The following PITPNC1 variants were observed in gnomAD, a reference collection of about 807,000 sequenced individuals.
The protein encoded by PITPNC1 is phosphatidylinositol transfer protein cytoplasmic 1, also known as cytoplasmic phosphatidylinositol transfer protein 1.
Under a neutral mutation model 44.7 loss-of-function variants are expected in PITPNC1, and 18 were observed. That is an observed-to-expected ratio of 0.40 (90% CI 0.28 to 0.60). The LOEUF (loss-of-function observed/expected upper bound fraction) is 0.60, where lower values mean the gene tolerates loss of function less well. Ranked by LOEUF, PITPNC1 falls within the 20% of genes least tolerant of loss-of-function variation. The pLI, the probability that PITPNC1 is intolerant of heterozygous loss-of-function variation, is 0.39. For missense variants in PITPNC1, 290 were observed against 418.4 expected (o/e 0.69, Z 2.68); for synonymous variants, 141 against 149.6 (o/e 0.94, Z 0.42).
intron 1 of PITPNC1, among the ~76,000 whole-genome samples, chr17:67,395,513 G>C (rs951533779): frequency 2.0e-5 from 3 of 152,178 alleles, no homozygotes; most frequent in African/African-American, 7.2e-5. Context: ...TGAGGAGCAT[G>C]TCTTCTGAAA....
Position 67,645,734 on chromosome 17 carries a change from C to T in PITPNC1, c.462+13496C>T, listed in dbSNP as rs1029348971. ...CAAAGTCTTCCTTGACAGCTACTAG[C>T]GTTAATTATAACATAAGTTTGTGCA... On this transcript the variant is annotated intron_variant, in intron 6 of 8. Transcript: ENST00000581322. 2.6e-5 allele frequency among the ~76,000 whole-genome samples: 4 copies of T among 152,300 alleles called. No individual in the cohort carries two copies. The South Asian group carries it at 6.2e-4, about 24-fold the overall frequency.
In PITPNC1 at chr17:67,597,974, A is replaced by C. The variant is rs1044954536; in HGVS notation, c.366+19717A>C. On this transcript the variant is annotated intron_variant, in intron 5 of 8. Coordinates refer to ENST00000581322, the MANE Select transcript of PITPNC1 (RefSeq NM_012417.4). This position sits in a 1 kb window ranked among gnomAD's most constrained non-coding sequence, Gnocchi z 4.0. Reference sequence around the variant, plus strand: ...TGCGGTGGCTCATGCCTGTAATCCCAGCACTTTGGGAGGCCGAGGCAGGCG... The same window carrying C: ...TGCGGTGGCTCATGCCTGTAATCCCCGCACTTTGGGAGGCCGAGGCAGGCG... Among the ~76,000 whole-genome samples the C allele has an allele frequency of 6.6e-5, 10 of 152,210 alleles. No individual in the cohort carries two copies. The highest frequency in any genetic ancestry group is 2.2e-4 in the African/African-American group (9 of 41,442).
intron 1 of PITPNC1, among the ~76,000 whole-genome samples, chr17:67,501,035 A>G (rs1052553536): frequency 2.6e-5 from 4 of 152,080 alleles, no homozygotes; most frequent in African/African-American, 9.7e-5. Context: ...TCCATTTTCT[A>G]ATCTTAATAT....
rs1013747672 is a variant in PITPNC1 at position 67,604,016 on chromosome 17, G to A, written c.366+25759G>A. ...TTGAAAGTTTAAATTTTCACAGTGA[G>A]GAAAGGGAAATAAGTCACTCCCATC... On this transcript the variant is annotated intron_variant, in intron 5 of 8. Transcript: ENST00000581322. 1.1e-4 allele frequency among the ~76,000 whole-genome samples: 17 copies of A among 151,950 alleles called. No individual in the cohort carries two copies. The East Asian group carries it at 3.3e-3, about 29-fold the overall frequency.
chr17:67,594,721 G>C (rs1468700017), intron 5 of PITPNC1, among the ~76,000 whole-genome samples: 7 of 152,162 alleles, frequency 4.6e-5, no homozygotes, highest in Admixed American at 2.0e-4. Flanking sequence ...TGGCAGAATG[G>C]AGACAGGATG....
rs34025821 is a variant in PITPNC1, at chr17:67,583,587, CAAA to C, written c.366+5345_366+5347del. On this transcript the variant is annotated intron_variant, in intron 5 of 8. Coordinates refer to ENST00000581322, the MANE Select transcript of PITPNC1 (RefSeq NM_012417.4). The stretch of plus-strand genomic sequence containing the variant: ...TGGGCAACAGAGCGAGACTCCTTCT[CAAA>C]AAAAAAAAAAAAAATCACCTGGGAA... 8.4e-5 allele frequency among the ~76,000 whole-genome samples: 10 copies of C among 119,300 alleles called. 1 individual carries two copies. The East Asian group carries it at 9.7e-4, about 12-fold the overall frequency. The allele number at this position is 119,300 out of a possible 152,430, so 78.3% of individuals were successfully genotyped here.
intron 1 of PITPNC1, among the ~76,000 whole-genome samples, chr17:67,477,240 T>G: frequency 8.2e-6 from 1 of 122,172 alleles, no homozygotes; most frequent in African/African-American, 3.3e-5. Flanking sequence ...CACACCCAGC[T>G]CTTTTTTTTT....
At chr17:67,690,638 G>A (rs2042908794) in intron 8 of PITPNC1, among the ~76,000 whole-genome samples, 1 of 151,920 alleles carries the variant, frequency 6.6e-6, no homozygotes, top group Admixed American at 6.6e-5. Context: ...GGGTCTCTGG[G>A]GGGCCAAAAC....
chr17:67,609,082 G>A (rs925743492), intron 5 of PITPNC1, among the ~76,000 whole-genome samples: 8 of 150,872 alleles, frequency 5.3e-5, no homozygotes, highest in African/African-American at 9.7e-5. Context: ...GGCTGGTCTC[G>A]AACTCTTGGG....
At chr17:67,452,832 A>G in intron 1 of PITPNC1, among the ~76,000 whole-genome samples, 1 of 152,196 alleles carries the variant, frequency 6.6e-6, no homozygotes, top group Non-Finnish European at 1.5e-5. Flanking sequence ...AGAAATTGCC[A>G]GGCTGTTTTC....
At chr17:67,674,796 G>A (rs181916379) in intron 7 of PITPNC1, among the ~76,000 whole-genome samples, 10 of 152,098 alleles carry the variant, frequency 6.6e-5, no homozygotes, top group African/African-American at 2.2e-4. Context: ...GGTGGATGAC[G>A]AGGTCAAGAG....
intron 1 of PITPNC1, among the ~76,000 whole-genome samples, chr17:67,502,512 C>G (rs751827231): frequency 2.0e-5 from 3 of 152,106 alleles, no homozygotes; most frequent in Non-Finnish European, 2.9e-5. Flanking sequence ...CCTAGTCAAT[C>G]TATAGTGGCC....
At chr17:67,507,876 C>G (rs2040127830) in intron 1 of PITPNC1, among the ~76,000 whole-genome samples, 2 of 151,834 alleles carry the variant, frequency 1.3e-5, no homozygotes, top group African/African-American at 4.8e-5. Flanking sequence ...TGTTTAGTGC[C>G]CATCGCTCCA....
intron 4 of PITPNC1, 55 bp from the exon 5 acceptor site, chr17:67,578,131 A>T (rs756781653): frequency 8.4e-7 from 1 of 1,193,966 alleles, no homozygotes; most frequent in Non-Finnish European, 1.2e-6. Context: ...GCTCTGCTGA[A>T]TATAGGAAGA....
chr17:67,378,528 C>T (rs1000295324), intron 1 of PITPNC1, among the ~76,000 whole-genome samples: 9 of 152,172 alleles, frequency 5.9e-5, no homozygotes, highest in South Asian at 2.1e-4. Flanking sequence ...AACCCAAGAG[C>T]CCCCGGCGCG....
chr17:67,659,872 TC>T (rs957418668), intron 6 of PITPNC1, among the ~76,000 whole-genome samples: 7 of 152,056 alleles, frequency 4.6e-5, no homozygotes, highest in Admixed American at 2.6e-4. Context: ...ATGCCATAAA[TC>T]TTTTTTTGTT....
chr17:67,430,074 T>C lies in PITPNC1; in HGVS notation c.48+51872T>C, dbSNP rs546780087. Reference sequence around the variant, plus strand: ...ATTTTTCTGAACTTCTTTTTACCCATCTGCAAAAGAGGAATCTCAGAGGTA... The same window carrying C: ...ATTTTTCTGAACTTCTTTTTACCCACCTGCAAAAGAGGAATCTCAGAGGTA... On this transcript the variant is annotated intron_variant, in intron 1 of 8. Coordinates refer to ENST00000581322, the MANE Select transcript of PITPNC1 (RefSeq NM_012417.4). Among the ~76,000 whole-genome samples, 10 of 152,378 alleles carry C rather than the reference T, an allele frequency of 6.6e-5. No homozygotes were observed. The South Asian group carries it at 2.1e-3, about 32-fold the overall frequency.
At chr17:67,522,639 A>G (rs2040339228) in intron 1 of PITPNC1, among the ~76,000 whole-genome samples, 1 of 133,804 alleles carries the variant, frequency 7.5e-6, no homozygotes, top group South Asian at 2.2e-4. Context: ...TATACATATC[A>G]TAAAATTTAC....
At chr17:67,530,757 C>G (rs561107917) in intron 1 of PITPNC1, among the ~76,000 whole-genome samples, 165 of 152,274 alleles carry the variant, frequency 1.1e-3, no homozygotes, top group Non-Finnish European at 1.9e-3. Flanking sequence ...ATCTCCACCC[C>G]CTGGGTAGTG....
Sources: allele counts gnomAD v4.1 joint callset (sites outside exome capture counted in the v4.1 genomes callset), GRCh38; gene constraint gnomAD v4.1.1; non-coding constraint Gnocchi (gnomAD v3.1); transcripts MANE v1.5; gene names NCBI Gene and HGNC (gene_info 2026-07-23, HGNC 2026-07-21).